Variants in LARP1B observed in about 807,000 individuals in gnomAD.
The protein encoded by LARP1B is la-related protein 1B.
Under a neutral mutation model 114.2 loss-of-function variants are expected in LARP1B, and 76 were observed. That is an observed-to-expected ratio of 0.67 (90% CI 0.55 to 0.81). The LOEUF is 0.81. Among genes scored for constraint, LARP1B ranks in the 30% least tolerant of loss-of-function variants. The pLI, the probability that LARP1B is intolerant of heterozygous loss-of-function variation, is 0.00. For synonymous variants in LARP1B, 345 were observed against 348.0 expected (o/e 0.99, Z 0.10); for missense variants, 1,014 against 1,075.8 (o/e 0.94, Z 0.80).
chr4:128,089,096 T>C (rs879811862), intron 5 of LARP1B, among the ~76,000 whole-genome samples: 9 of 152,114 alleles, frequency 5.9e-5, no homozygotes, highest in Admixed American at 1.3e-4. Flanking sequence ...TCTGGAGATA[T>C]TTGTTACTGG....
At chr4:128,178,735 T>C in intron 14 of LARP1B, 93 bp downstream of exon 14, 1 of 899,092 alleles carries the variant, frequency 1.1e-6, no homozygotes, top group Admixed American at 2.4e-5. Flanking sequence ...TTGAAAAATG[T>C]GTGTTATAAC....
At chr4:128,138,551 GT>G (rs1726471981) in intron 11 of LARP1B, among the ~76,000 whole-genome samples, 1 of 152,176 alleles carries the variant, frequency 6.6e-6, no homozygotes, top group African/African-American at 2.4e-5. Context: ...TGTGGAAAGG[GT>G]AGTGGTGGGG....
At chr4:128,175,937 A>G (rs1745679159) in intron 12 of LARP1B, among the ~76,000 whole-genome samples, 1 of 151,584 alleles carries the variant, frequency 6.6e-6, no homozygotes, top group Non-Finnish European at 1.5e-5. Context: ...ATTGGAATTT[A>G]TAGACCATAA....
intron 8 of LARP1B, among the ~76,000 whole-genome samples, chr4:128,103,976 A>T (rs1364462176): frequency 1.3e-5 from 2 of 151,456 alleles, no homozygotes; most frequent in African/African-American, 4.8e-5. Context: ...TTTCTTTTAA[A>T]TTGAGGCATA....
chr4:128,082,959 TGCGGCCTTCC>T lies in LARP1B; in HGVS notation c.358+657_358+666del, dbSNP rs1358340588. Among the ~76,000 whole-genome samples, 128 of 151,806 alleles carry T rather than the reference TGCGGCCTTCC, an allele frequency of 8.4e-4. 1 individual carries two copies. Among genetic ancestry groups the T allele is most frequent in the Middle Eastern group, 3.4e-3 (1 of 294 alleles). ...TCTGGTTTTCCTAGGCAGAGGACCCTGCGGCCTTCCGCAGTGTTTGTGTCCCTGGGTACTT... is the reference window on the plus strand; with the variant it reads ...TCTGGTTTTCCTAGGCAGAGGACCCTGCAGTGTTTGTGTCCCTGGGTACTT... On this transcript the variant is annotated intron_variant, in intron 5 of 19. Coordinates refer to ENST00000326639, the MANE Select transcript of LARP1B (RefSeq NM_018078.4).
intron 8 of LARP1B, among the ~76,000 whole-genome samples, chr4:128,100,143 A>T (rs1428862955): frequency 6.6e-6 from 1 of 151,508 alleles, no homozygotes; most frequent in East Asian, 1.9e-4. Flanking sequence ...AATATTTTTA[A>T]TAGAGACGAG....
intron 15 of LARP1B, among the ~76,000 whole-genome samples, chr4:128,187,701 A>G (rs1329867306): frequency 1.3e-5 from 2 of 152,220 alleles, no homozygotes; most frequent in Non-Finnish European, 2.9e-5. Context: ...GGCAGGGGCC[A>G]GGGTAGAATT....
chr4:128,119,647 T>A (rs554442091), intron 10 of LARP1B, among the ~76,000 whole-genome samples: 1 of 152,250 alleles, frequency 6.6e-6, no homozygotes, highest in East Asian at 1.9e-4. Flanking sequence ...CAAAACTTTC[T>A]AGAACCCTGG....
chr4:128,154,646 T>C (rs1310320081), intron 11 of LARP1B, among the ~76,000 whole-genome samples: 1 of 152,244 alleles, frequency 6.6e-6, no homozygotes, highest in Non-Finnish European at 1.5e-5. Context: ...GTTCAGATAT[T>C]ACTCTTCCAG....
chr4:128,153,580 A>T (rs1358353955), intron 11 of LARP1B, among the ~76,000 whole-genome samples: 1 of 152,230 alleles, frequency 6.6e-6, no homozygotes, highest in Non-Finnish European at 1.5e-5. Context: ...CTGGAATTAC[A>T]GGCATGAGCC....
At chr4:128,089,432 T>G (rs1031698310) in intron 5 of LARP1B, among the ~76,000 whole-genome samples, 5 of 151,924 alleles carry the variant, frequency 3.3e-5, no homozygotes, top group Non-Finnish European at 5.9e-5. Flanking sequence ...GCCTCCCAGG[T>G]TCAGGTGATT....
At chr4:128,170,861 CTTTTTCTTTTCT>C (rs1173962927) in intron 12 of LARP1B, among the ~76,000 whole-genome samples, 4 of 113,686 alleles carry the variant, frequency 3.5e-5, no homozygotes, top group East Asian at 6.2e-4. Flanking sequence ...TATTCATTTT[CTTTTTCTTTTCT>C]TTTTTTTTTT....
chr4:128,172,220 T>G (rs1348288480), intron 12 of LARP1B, among the ~76,000 whole-genome samples: 1 of 152,170 alleles, frequency 6.6e-6, no homozygotes, highest in Non-Finnish European at 1.5e-5. Flanking sequence ...CTGTTGATTC[T>G]GGCTGCTTTT....
At chr4:128,120,424 T>C (rs1050581200) in intron 10 of LARP1B, among the ~76,000 whole-genome samples, 1 of 151,412 alleles carries the variant, frequency 6.6e-6, no homozygotes, top group African/African-American at 2.4e-5. Context: ...CTTAGACTTT[T>C]AATGTAAACC....
chr4:128,088,728 G>A (rs1774671847), intron 5 of LARP1B, among the ~76,000 whole-genome samples: 2 of 152,152 alleles, frequency 1.3e-5, no homozygotes. Context: ...ATTTTTAAAT[G>A]ATATGTGTTT....
chr4:128,125,905 G>T (rs1789437291), intron 11 of LARP1B, among the ~76,000 whole-genome samples: 1 of 152,032 alleles, frequency 6.6e-6, no homozygotes, highest in African/African-American at 2.4e-5. Context: ...ATGTGATTGT[G>T]GTCTCTTAGT....
At chr4:128,105,077 GT>G (rs11407647) in intron 8 of LARP1B, among the ~76,000 whole-genome samples, 2 of 148,912 alleles carry the variant, frequency 1.3e-5, no homozygotes, top group East Asian at 2.0e-4. Context: ...TTTTTTTTTT[GT>G]TTTTTTTTTA....
intron 5 of LARP1B, among the ~76,000 whole-genome samples, chr4:128,085,469 G>A (rs1162628960): frequency 2.7e-5 from 4 of 148,798 alleles, no homozygotes; most frequent in Non-Finnish European, 5.9e-5. Flanking sequence ...GGGCTCAAGC[G>A]ATCCTCCCAC....
At chr4:128,137,497 T>C (rs950695344) in intron 11 of LARP1B, among the ~76,000 whole-genome samples, 1 of 152,166 alleles carries the variant, frequency 6.6e-6, no homozygotes, top group Non-Finnish European at 1.5e-5. Context: ...TATGTGCATT[T>C]TTTATATTCC....
Sources: gnomAD v4.1 joint callset for allele counts (sites outside exome capture counted in the v4.1 genomes callset) on GRCh38, gnomAD v4.1.1 for gene constraint, MANE v1.5 for transcripts, NCBI Gene and HGNC (gene_info 2026-07-23, HGNC 2026-07-21) for gene names.